Variants in RBFOX1 observed in about 807,000 individuals in gnomAD.
The protein encoded by RBFOX1 is RNA binding fox-1 homolog 1, also known as RNA binding protein fox-1 homolog 1.
A neutral mutation model predicts 57.7 loss-of-function variants in RBFOX1; 8 were observed. The ratio of observed to expected loss-of-function variants is 0.14; its 90% CI spans 0.08 to 0.25. The LOEUF (loss-of-function observed/expected upper bound fraction) is 0.25. Ranked by LOEUF, RBFOX1 falls within the 10% of genes least tolerant of loss-of-function variation. RBFOX1 has a pLI of 1.00. For synonymous variants in RBFOX1, 326 were observed against 222.4 expected, an observed-to-expected ratio of 1.47 and a Z score of -4.15; for missense variants, 611 against 548.5, an observed-to-expected ratio of 1.11 and a Z score of -1.14.
intron 3 of RBFOX1, among the ~76,000 whole-genome samples, chr16:5,650,594 T>C (rs1388399364): frequency 2.6e-5 from 4 of 152,310 alleles, no homozygotes; most frequent in African/African-American, 4.8e-5. Context: ...AAATGATTTT[T>C]AAGCAAAACT....
At chr16:7,412,248 C>T (rs1597786395) in intron 4 of RBFOX1, among the ~76,000 whole-genome samples, 1 of 151,442 alleles carries the variant, frequency 6.6e-6, no homozygotes, top group Non-Finnish European at 1.5e-5. Flanking sequence ...AACCCCATCT[C>T]TACTAAAAAT....
At chr16:5,798,614 C>T (rs1004147631) in intron 3 of RBFOX1, among the ~76,000 whole-genome samples, 6 of 152,334 alleles carry the variant, frequency 3.9e-5, no homozygotes, top group Non-Finnish European at 7.3e-5. Flanking sequence ...GTCTTGTGGT[C>T]TGGATCACTC....
intron 3 of RBFOX1, among the ~76,000 whole-genome samples, chr16:6,957,607 G>C (rs964857020): frequency 6.6e-6 from 1 of 152,090 alleles, no homozygotes; most frequent in Non-Finnish European, 1.5e-5. Context: ...ACTGCAACCT[G>C]TTTTATCAGC....
At chr16:5,331,443 G>A (rs1050845377) in intron 1 of RBFOX1, among the ~76,000 whole-genome samples, 2 of 152,232 alleles carry the variant, frequency 1.3e-5, no homozygotes, top group African/African-American at 4.8e-5. Flanking sequence ...GGAGGCAGAA[G>A]GATTTAGATG....
At chr16:6,293,901 GGTGGT>G (rs1567869250) in intron 1 of RBFOX1, among the ~76,000 whole-genome samples, 4 of 17,618 alleles carry the variant, frequency 2.3e-4, no homozygotes, top group African/African-American at 4.1e-4. Context: ...TGAGCGGGGG[GGTGGT>G]GGAAATAGAC....
At chr16:6,219,726 A>G (rs2097359539) in intron 1 of RBFOX1, among the ~76,000 whole-genome samples, 1 of 152,070 alleles carries the variant, frequency 6.6e-6, no homozygotes, top group South Asian at 2.1e-4. Context: ...AATAGAAAAA[A>G]TTAGCCAGCT....
chr16:7,220,812 T>G (rs1379855391), intron 4 of RBFOX1, among the ~76,000 whole-genome samples: 1 of 152,150 alleles, frequency 6.6e-6, no homozygotes, highest in Non-Finnish European at 1.5e-5. Context: ...GGCATCTTGG[T>G]ATTTCCATGG....
At chr16:6,358,063 C>T (rs942027738) in intron 2 of RBFOX1, among the ~76,000 whole-genome samples, 3 of 151,942 alleles carry the variant, frequency 2.0e-5, no homozygotes, top group Non-Finnish European at 4.4e-5. Flanking sequence ...ACTTCCAGAA[C>T]CCTTTGAGAG....
At chr16:5,434,273 A>G (rs1380681502) in intron 1 of RBFOX1, among the ~76,000 whole-genome samples, 1 of 150,028 alleles carries the variant, frequency 6.7e-6, no homozygotes, top group Non-Finnish European at 1.5e-5. Context: ...CTGGGCTTCC[A>G]TCCCCAGACA....
intron 4 of RBFOX1, among the ~76,000 whole-genome samples, chr16:7,322,455 G>A (rs1261142437): frequency 6.6e-6 from 1 of 152,214 alleles, no homozygotes; most frequent in Non-Finnish European, 1.5e-5. Context: ...CCGCCTTAAG[G>A]GATTTTGACT....
intron 1 of RBFOX1, among the ~76,000 whole-genome samples, chr16:6,063,464 GACACACACACAC>G (rs772720519): frequency 0.019 from 1,603 of 86,482 alleles, 15 homozygotes; most frequent in Non-Finnish European, 0.021. Flanking sequence ...CTCTTTCTCC[GACACACACACAC>G]ACACACACAC....
At chr16:7,205,894 T>A (rs960984579) in intron 4 of RBFOX1, among the ~76,000 whole-genome samples, 1 of 152,264 alleles carries the variant, frequency 6.6e-6, no homozygotes, top group East Asian at 1.9e-4. Flanking sequence ...AAGGCAGCTA[T>A]TAGTGGTGTC....
rs143817555 is a variant in RBFOX1 at position 6,826,736 on chromosome 16, C to T, written c.-16+172086C>T. Among the ~76,000 whole-genome samples the T allele has an allele frequency of 3.8e-3, 572 of 152,176 alleles. 5 individuals carry two copies. The highest frequency in any genetic ancestry group is 0.013 in the African/African-American group (535 of 41,520). On this transcript the variant is annotated intron_variant, in intron 3 of 15. Coordinates refer to ENST00000550418, the MANE Select transcript of RBFOX1 (RefSeq NM_018723.4). ...ATTTATTTTTCTCACGCTCATTTCT[C>T]TTTAATAATTATCATATTGACTCTG...
chr16:5,593,151 C>T (rs994238455), intron 2 of RBFOX1, among the ~76,000 whole-genome samples: 2 of 152,178 alleles, frequency 1.3e-5, no homozygotes, highest in Middle Eastern at 3.2e-3. Context: ...CCATGGGATA[C>T]TGTGCAGCCA....
At chr16:7,334,871 C>G (rs1288447630) in intron 4 of RBFOX1, among the ~76,000 whole-genome samples, 1 of 152,162 alleles carries the variant, frequency 6.6e-6, no homozygotes, top group African/African-American at 2.4e-5. Context: ...TTAGCCTGAT[C>G]ATACTGTGTT....
intron 4 of RBFOX1, among the ~76,000 whole-genome samples, chr16:7,339,319 T>C (rs1021962516): frequency 1.3e-5 from 2 of 152,186 alleles, no homozygotes; most frequent in Admixed American, 6.5e-5. Flanking sequence ...TGTGGTAGAA[T>C]AGAACACACT....
At chr16:6,373,148 T>C (rs1305724659) in intron 2 of RBFOX1, among the ~76,000 whole-genome samples, 9 of 146,966 alleles carry the variant, frequency 6.1e-5, no homozygotes, top group African/African-American at 2.3e-4. Context: ...AGGATTGTTG[T>C]TTAGGATCTT....
At chr16:6,236,475 C>T (rs547251019) in intron 1 of RBFOX1, among the ~76,000 whole-genome samples, 81 of 151,994 alleles carry the variant, frequency 5.3e-4, no homozygotes, top group African/African-American at 1.9e-3. Flanking sequence ...CACTCTGTCC[C>T]TCAGGCTGGA....
intron 2 of RBFOX1, among the ~76,000 whole-genome samples, chr16:6,368,496 G>A (rs2089986483): frequency 6.6e-6 from 1 of 152,168 alleles, no homozygotes; most frequent in Non-Finnish European, 1.5e-5. Flanking sequence ...TTCTCTGGGT[G>A]TGCACCTCTG....
Sources: allele counts gnomAD v4.1 joint callset (sites outside exome capture counted in the v4.1 genomes callset), GRCh38; gene constraint gnomAD v4.1.1; transcripts MANE v1.5; gene names NCBI Gene and HGNC (gene_info 2026-07-23, HGNC 2026-07-21).